The following CADM2 variants were observed in gnomAD, a reference collection of about 807,000 sequenced individuals.
The protein encoded by CADM2 is cell adhesion molecule 2.
A neutral mutation model predicts 49.8 loss-of-function variants in CADM2; 12 were observed. The observed-to-expected ratio is 0.24, with a 90% CI of 0.15 to 0.39. The LOEUF is 0.39. Ranked by LOEUF, CADM2 falls within the 10% of genes least tolerant of loss-of-function variation. CADM2 has a pLI of 1.00. For synonymous variants in CADM2, 214 were observed against 175.4 expected, an observed-to-expected ratio of 1.22 and a Z score of -1.74; for missense variants, 378 against 492.3, an observed-to-expected ratio of 0.77 and a Z score of 2.20.
intron 1 of CADM2, among the ~76,000 whole-genome samples, chr3:85,272,263 A>G (rs1472700619): frequency 6.6e-6 from 1 of 151,282 alleles, no homozygotes. Context: ...GAAAATGTTT[A>G]AAGTGGAGTA....
chr3:86,033,737 A>G (rs1339850858), intron 8 of CADM2, among the ~76,000 whole-genome samples: 1 of 145,944 alleles, frequency 6.9e-6, no homozygotes, highest in East Asian at 1.9e-4. Context: ...GAAGTGGATC[A>G]GAAGCCCATA....
At chr3:85,840,427 T>G (rs1559694301) in intron 3 of CADM2, among the ~76,000 whole-genome samples, 1 of 151,870 alleles carries the variant, frequency 6.6e-6, no homozygotes, top group African/African-American at 2.4e-5. Flanking sequence ...GCCTTTTTAT[T>G]TGCATCAAGA....
intron 8 of CADM2, among the ~76,000 whole-genome samples, chr3:86,004,803 T>A (rs1338989682): frequency 6.6e-6 from 1 of 152,218 alleles, no homozygotes; most frequent in Non-Finnish European, 1.5e-5. Context: ...CCTATCAATG[T>A]CTTGTGACCA....
intron 8 of CADM2, among the ~76,000 whole-genome samples, chr3:85,962,155 G>A (rs13316083): frequency 0.22 from 33,717 of 151,852 alleles, 4,249 homozygotes; most frequent in African/African-American, 0.34. Context: ...CTGGCTTCAA[G>A]TTATCAGCCT....
chr3:85,438,380 G>A (rs1179516747), intron 1 of CADM2, among the ~76,000 whole-genome samples: 1 of 149,586 alleles, frequency 6.7e-6, no homozygotes, highest in Non-Finnish European at 1.5e-5. Context: ...AAAAAAACAC[G>A]TTTGATACTT....
intron 1 of CADM2, among the ~76,000 whole-genome samples, chr3:85,127,761 A>G (rs569790988): frequency 2.6e-5 from 4 of 152,236 alleles, no homozygotes; most frequent in Admixed American, 1.3e-4. Flanking sequence ...TAGGTGATAC[A>G]TGTCTCAAGG....
rs556222781 is a variant in CADM2, at chr3:84,982,833, C to T, written c.61+23165C>T. Reference sequence around the variant, plus strand: ...TGATCTCAGCTCACTGCAACCTCCCCGTCCCTGGTTCAAGCGATTCTCCTG... The same window carrying T: ...TGATCTCAGCTCACTGCAACCTCCCTGTCCCTGGTTCAAGCGATTCTCCTG... On this transcript the variant is annotated intron_variant, in intron 1 of 9. Coordinates refer to ENST00000383699, the MANE Select transcript of CADM2 (RefSeq NM_001167675.2). Among the ~76,000 whole-genome samples the T allele has an allele frequency of 1.4e-4, 21 of 150,320 alleles. No homozygotes were observed. In the South Asian group the frequency reaches 3.4e-3, roughly 24 times the overall value.
intron 1 of CADM2, among the ~76,000 whole-genome samples, chr3:85,551,730 G>A (rs1484264814): frequency 6.6e-6 from 1 of 152,058 alleles, no homozygotes; most frequent in Non-Finnish European, 1.5e-5. Flanking sequence ...CCTTTTTCGA[G>A]TACCTTATTG....
intron 8 of CADM2, among the ~76,000 whole-genome samples, chr3:85,976,839 T>C (rs1577840571): frequency 6.6e-6 from 1 of 151,658 alleles, no homozygotes; most frequent in Non-Finnish European, 1.5e-5. Context: ...GTAATGTTAT[T>C]TATTTGTGTA....
chr3:85,568,707 A>G (rs1356329892), intron 1 of CADM2, among the ~76,000 whole-genome samples: 7 of 148,286 alleles, frequency 4.7e-5, no homozygotes, highest in Non-Finnish European at 8.9e-5. Context: ...GGAGCAGGCA[A>G]TTCTCCTGCC....
chr3:85,660,425 G>C (rs769137808), intron 1 of CADM2, among the ~76,000 whole-genome samples: 13 of 145,012 alleles, frequency 9.0e-5, no homozygotes, highest in Non-Finnish European at 1.8e-4. Flanking sequence ...AATTTATTAG[G>C]CTTTTCGCTC....
At chr3:85,064,528 G>A (rs1472758531) in intron 1 of CADM2, among the ~76,000 whole-genome samples, 1 of 151,980 alleles carries the variant, frequency 6.6e-6, no homozygotes, top group East Asian at 1.9e-4. Context: ...ACTAGTAGTT[G>A]GTAAATAGAC....
chr3:86,019,807 A>G (rs2107018980), intron 8 of CADM2, among the ~76,000 whole-genome samples: 1 of 152,220 alleles, frequency 6.6e-6, no homozygotes, highest in East Asian at 1.9e-4. Flanking sequence ...CTAGATATAC[A>G]ATCATGTCGT....
At chr3:85,010,604 A>G (rs999447642) in intron 1 of CADM2, among the ~76,000 whole-genome samples, 3 of 152,046 alleles carry the variant, frequency 2.0e-5, no homozygotes, top group Non-Finnish European at 4.4e-5. Context: ...AGATCAAAAA[A>G]CAAAAACAAA....
chr3:85,287,579 A>T (rs902397573), intron 1 of CADM2, among the ~76,000 whole-genome samples: 4 of 152,122 alleles, frequency 2.6e-5, no homozygotes, highest in Non-Finnish European at 5.9e-5. Flanking sequence ...GCTCTTTGTC[A>T]TCAAAACAAC....
At chr3:85,450,421 A>G (rs1169420083) in intron 1 of CADM2, among the ~76,000 whole-genome samples, 2 of 152,216 alleles carry the variant, frequency 1.3e-5, no homozygotes, top group East Asian at 1.9e-4. Flanking sequence ...TTTACAGAAA[A>G]TGGTTTTGAA....
intron 7 of CADM2, among the ~76,000 whole-genome samples, chr3:85,950,743 T>A (rs1333357556): frequency 6.6e-6 from 1 of 151,084 alleles, no homozygotes; most frequent in Non-Finnish European, 1.5e-5. Context: ...TTATTTGCTA[T>A]CAAAGTTTAA....
chr3:85,464,820 C>T (rs1379670165), intron 1 of CADM2, among the ~76,000 whole-genome samples: 2 of 152,116 alleles, frequency 1.3e-5, no homozygotes, highest in Non-Finnish European at 2.9e-5. Context: ...GTAATATTCT[C>T]TGTACTCCAA....
At chr3:85,361,384 A>G (rs755156314) in intron 1 of CADM2, among the ~76,000 whole-genome samples, 1 of 152,152 alleles carries the variant, frequency 6.6e-6, no homozygotes, top group African/African-American at 2.4e-5. Flanking sequence ...TATTGTTTGC[A>G]TTGGGCTTTG....
Sources: gnomAD v4.1 joint callset for allele counts (sites outside exome capture counted in the v4.1 genomes callset) on GRCh38, gnomAD v4.1.1 for gene constraint, MANE v1.5 for transcripts, NCBI Gene and HGNC (gene_info 2026-07-23, HGNC 2026-07-21) for gene names.